Variants in ADAM12 observed in about 807,000 individuals in gnomAD.
ADAM12 encodes ADAM metallopeptidase domain 12, also known as disintegrin and metalloproteinase domain-containing protein 12.
In ADAM12, 70 loss-of-function variants were observed where a neutral mutation model predicts 106.4. The observed-to-expected ratio is 0.66, with a 90% confidence interval of 0.54 to 0.80. The LOEUF is 0.80. ADAM12 is among the 30% of genes least tolerant of loss of function. The probability of loss-of-function intolerance (pLI) is 0.00; values close to 1 mark genes in which losing one functional copy is unlikely to be tolerated. For missense variants in ADAM12, 1,010 were observed against 1,171.9 expected (o/e 0.86, Z 2.02); for synonymous variants, 420 against 433.5 (o/e 0.97, Z 0.39).
Position 126,067,597 on chromosome 10 carries a change from C to T in ADAM12, c.1324-791G>A, listed in dbSNP as rs558484821. Among the ~76,000 whole-genome samples the T allele has an allele frequency of 6.6e-5, 10 of 152,324 alleles. No individual in the cohort carries two copies. In the South Asian group the frequency reaches 1.2e-3, roughly 19 times the overall value. ...ACAAAAACAAGAGATTGACATTTTTCGCTCAGTTCTCAACAAAAGGCCTGC... is the reference window on the plus strand; with the variant it reads ...ACAAAAACAAGAGATTGACATTTTTTGCTCAGTTCTCAACAAAAGGCCTGC... On this transcript the variant is annotated intron_variant, in intron 12 of 22. Coordinates refer to ENST00000448723, the MANE Select transcript of ADAM12 (RefSeq NM_001288973.2).
At position 126,064,464 on chromosome 10, in the gene ADAM12, C is replaced by T. The variant is rs1447257749; in HGVS notation, c.1609+342G>A. On this transcript the variant is annotated intron_variant, in intron 14 of 22. Transcript: ENST00000448723. The surrounding 1 kb of genome is among the most constrained non-coding windows in gnomAD (Gnocchi z 4.4). Reference sequence around the variant, plus strand: ...CATCCCTGCCATCCCTCGGGGCACGCAGTAGGTGCTCCTGCAGCTCCCGTA... The same window carrying T: ...CATCCCTGCCATCCCTCGGGGCACGTAGTAGGTGCTCCTGCAGCTCCCGTA... Among the ~76,000 whole-genome samples, 1 of 152,188 alleles carries T rather than the reference C, an allele frequency of 6.6e-6. No individual in the cohort carries two copies. Among genetic ancestry groups the T allele is most frequent in the Non-Finnish European group, 1.5e-5 (1 of 68,010 alleles).
In ADAM12 at chr10:126,111,475, A is replaced by T. The variant is rs1168825795; in HGVS notation, c.604-1635T>A. Reference sequence around the variant, plus strand: ...GTCCATAATTCCCTAATTAATCATTAAAAAAATTTGGCTAATTATGCAGAA... The same window carrying T: ...GTCCATAATTCCCTAATTAATCATTTAAAAAATTTGGCTAATTATGCAGAA... On this transcript the variant is annotated intron_variant, in intron 6 of 22. Coordinates refer to ENST00000448723, the MANE Select transcript of ADAM12 (RefSeq NM_001288973.2). Among the ~76,000 whole-genome samples, 4 of 152,162 alleles carry T rather than the reference A, an allele frequency of 2.6e-5. No individual in the cohort carries two copies. The South Asian group carries it at 6.2e-4, about 24-fold the overall frequency.
At chr10:126,136,546 T>C (rs1200803741) in intron 4 of ADAM12, among the ~76,000 whole-genome samples, 2 of 152,168 alleles carry the variant, frequency 1.3e-5, no homozygotes, top group African/African-American at 4.8e-5. Flanking sequence ...CTGTCTCCAC[T>C]GCACCCTCCT....
chr10:126,044,866 G>A (rs1048865828), intron 17 of ADAM12, among the ~76,000 whole-genome samples: 3 of 152,206 alleles, frequency 2.0e-5, no homozygotes, highest in South Asian at 2.1e-4. Flanking sequence ...TGCTGTGGAC[G>A]TACTAGCCCC....
chr10:126,330,072 G>C (rs112990551), intron 2 of ADAM12, among the ~76,000 whole-genome samples: 5 of 152,218 alleles, frequency 3.3e-5, no homozygotes, highest in African/African-American at 9.6e-5. Context: ...TAATCAATTC[G>C]AGGAAATCAA....
intron 5 of ADAM12, among the ~76,000 whole-genome samples, chr10:126,134,505 G>A (rs1956368719): frequency 6.6e-6 from 1 of 152,168 alleles, no homozygotes; most frequent in Non-Finnish European, 1.5e-5. Flanking sequence ...ACGAGGAAGA[G>A]GAATAGCTTT....
rs571457963 is a variant in ADAM12, at chr10:126,088,772, G to A, written c.1145+5213C>T. Among the ~76,000 whole-genome samples, 166 of 151,828 alleles carry A rather than the reference G, an allele frequency of 1.1e-3. 2 individuals carry two copies. The highest frequency in any genetic ancestry group is 1.1e-3 in the Non-Finnish European group (72 of 67,992). ...CCTGGGTGGAGGCCACCTAGACCTG[G>A]GGACACATCTGTTTGTGTTCCGTGT... On this transcript the variant is annotated intron_variant, in intron 11 of 22. Coordinates refer to ENST00000448723, the MANE Select transcript of ADAM12 (RefSeq NM_001288973.2).
intron 2 of ADAM12, among the ~76,000 whole-genome samples, chr10:126,327,638 T>A: frequency 6.7e-6 from 1 of 148,406 alleles, no homozygotes; most frequent in Non-Finnish European, 1.5e-5. Context: ...AAATAAATAA[T>A]AATACGAAGA....
intron 3 of ADAM12, among the ~76,000 whole-genome samples, chr10:126,215,984 C>T (rs1445442754): frequency 6.6e-6 from 1 of 152,176 alleles, no homozygotes; most frequent in African/African-American, 2.4e-5. Flanking sequence ...GCCATGAACC[C>T]ACCCCAGGGA....
intron 1 of ADAM12, among the ~76,000 whole-genome samples, chr10:126,361,145 A>G (rs1223681458): frequency 3.3e-5 from 5 of 152,226 alleles, no homozygotes; most frequent in Admixed American, 3.3e-4. Flanking sequence ...TCAAGATGAG[A>G]TTTTGGTGGG....
intron 6 of ADAM12, among the ~76,000 whole-genome samples, chr10:126,116,024 AT>A (rs1291783014): frequency 6.6e-6 from 1 of 152,198 alleles, no homozygotes; most frequent in Non-Finnish European, 1.5e-5. Flanking sequence ...TCCCTTTTCA[AT>A]TTAAAGGTTC....
intron 3 of ADAM12, among the ~76,000 whole-genome samples, chr10:126,257,792 AC>A (rs949947616): frequency 2.0e-5 from 3 of 152,176 alleles, no homozygotes; most frequent in Non-Finnish European, 2.9e-5. Context: ...GAATTATAAA[AC>A]CAGTCAGCCT....
At chr10:126,207,966 C>A (rs866889190) in intron 3 of ADAM12, among the ~76,000 whole-genome samples, 18 of 152,226 alleles carry the variant, frequency 1.2e-4, no homozygotes, top group Middle Eastern at 3.4e-3. Context: ...TCAATGATTT[C>A]TGTAATTTTT....
chr10:126,339,847 C>CTTTT (rs146232567), intron 1 of ADAM12, among the ~76,000 whole-genome samples: 83 of 75,680 alleles, frequency 1.1e-3, no homozygotes, highest in East Asian at 3.1e-3. Context: ...CATTCTAGGG[C>CTTTT]TTTTTTTTTT....
chr10:126,366,965 T>C (rs895945798), intron 1 of ADAM12, among the ~76,000 whole-genome samples: 1 of 152,086 alleles, frequency 6.6e-6, no homozygotes, highest in Admixed American at 6.5e-5. Context: ...ATAGATAAAT[T>C]GGCAACTTCA....
chr10:126,265,632 C>A (rs1054189545), intron 3 of ADAM12, among the ~76,000 whole-genome samples: 2 of 152,168 alleles, frequency 1.3e-5, no homozygotes, highest in Admixed American at 6.5e-5. Flanking sequence ...AATTACCTAC[C>A]AGTAAACAGA....
intron 18 of ADAM12, 122 bp downstream of exon 18, chr10:126,042,918 C>A (rs1954213501): frequency 2.2e-6 from 2 of 893,078 alleles, no homozygotes; most frequent in Non-Finnish European, 3.4e-6. Flanking sequence ...GCTGTGTAGA[C>A]CCATGTGGGG....
intron 1 of ADAM12, among the ~76,000 whole-genome samples, chr10:126,356,101 G>A (rs1460923146): frequency 1.3e-5 from 2 of 152,172 alleles, no homozygotes; most frequent in Non-Finnish European, 2.9e-5. Context: ...CTAAGGCCCT[G>A]GTTAGGCAAA....
intron 5 of ADAM12, among the ~76,000 whole-genome samples, chr10:126,121,510 A>T (rs11244818): frequency 0.66 from 92,038 of 139,340 alleles, 31,251 homozygotes; most frequent in African/African-American, 0.83. Flanking sequence ...ATATAATAGA[A>T]AATTATATAT....
Sources: gnomAD v4.1 joint callset for allele counts (sites outside exome capture counted in the v4.1 genomes callset) on GRCh38, gnomAD v4.1.1 for gene constraint, Gnocchi (gnomAD v3.1) non-coding constraint, MANE v1.5 for transcripts, NCBI Gene and HGNC (gene_info 2026-07-23, HGNC 2026-07-21) for gene names.